Variants in RALY observed in about 807,000 individuals in gnomAD.
RALY encodes the protein RNA-binding protein Raly.
In RALY, 15 loss-of-function variants were observed where a neutral mutation model predicts 30.7. That is an observed-to-expected ratio of 0.49 (90% CI 0.33 to 0.75). RALY has a LOEUF of 0.75. Ranked by LOEUF, RALY falls within the 30% of genes least tolerant of loss-of-function variation. The pLI is 0.02. For missense variants in RALY, 339 were observed against 414.3 expected (o/e 0.82, Z 1.58); for synonymous variants, 177 against 170.8 (o/e 1.04, Z -0.28).
chr20:34,072,426 C>T (rs1276538211), intron 3 of RALY, 96 bp downstream of exon 3: 6 of 1,397,194 alleles, frequency 4.3e-6, no homozygotes, highest in African/African-American at 1.4e-5. Context: ...CTCACCGCTA[C>T]CACTGCTCTG....
intron 1 of RALY, among the ~76,000 whole-genome samples, chr20:34,012,146 G>A (rs568859963): frequency 1.0e-3 from 158 of 152,206 alleles, no homozygotes; most frequent in African/African-American, 3.7e-3. Context: ...CCTTTGTTTG[G>A]TTTTCCTGCC....
Position 34,076,034 on chromosome 20 carries a change from A to T in RALY, c.538A>T (p.Ile180Phe), listed in dbSNP as rs565978147. 9 of 1,613,418 alleles carry T rather than the reference A, an allele frequency of 5.6e-6. No homozygotes were observed. The highest frequency in any genetic ancestry group is 1.3e-5 in the African/African-American group (1 of 74,924). Residue 180 changes from isoleucine (I) to phenylalanine (F), a missense_variant, in exon 6 of 10, where the codon ATC (isoleucine) becomes TTC (phenylalanine). Physicochemically the swap from Ile to Phe is conservative, Grantham distance 21. Around this residue, in one of 2 missense-constraint regions of RALY, gnomAD observed 268 missense variants for 280.6 expected, o/e 0.95. Coordinates refer to ENST00000246194, the MANE Select transcript of RALY (RefSeq NM_016732.3). ...STAVTTSSAK[I>F]KLKSSELQAI... The stretch of plus-strand genomic sequence containing the variant: ...AGCTGTCACCACCAGCTCAGCCAAG[A>T]TCAAGTGTGAGTGACTGTATCATAT...
chr20:34,006,865 A>G (rs190608643), intron 1 of RALY, among the ~76,000 whole-genome samples: 1 of 152,324 alleles, frequency 6.6e-6, no homozygotes, highest in East Asian at 1.9e-4. Context: ...ATTTCTCAGA[A>G]TGTATCCCCG....
chr20:34,068,919 AG>A (rs976631522), intron 2 of RALY, among the ~76,000 whole-genome samples: 2 of 152,184 alleles, frequency 1.3e-5, no homozygotes, highest in African/African-American at 4.8e-5. Flanking sequence ...CACTTTCCAA[AG>A]GAGTGTACAG....
At position 34,077,231 on chromosome 20, in the gene RALY, A is replaced by G. The variant is rs1442795427; in HGVS notation, c.862A>G (p.Ser288Gly). 1 of 1,613,714 alleles carries G rather than the reference A, an allele frequency of 6.2e-7. No homozygotes were observed. Among genetic ancestry groups the G allele is most frequent in the East Asian group, 2.2e-5 (1 of 44,864 alleles). The change falls in exon 8 of 10, where the codon AGC becomes GGC. Residue 288 changes from serine (S) to glycine (G), a missense_variant. Coordinates refer to ENST00000246194, the MANE Select transcript of RALY (RefSeq NM_016732.3). ...CGATGAGGAAGGGCTCCTGACACACAGCGAGGAAGAGCTGGTGAGGGCCTG... is the reference window on the plus strand; with the variant it reads ...CGATGAGGAAGGGCTCCTGACACACGGCGAGGAAGAGCTGGTGAGGGCCTG... ...DGDEEGLLTH[S>G]EEELEHSQDT...
At chr20:34,071,955 C>CT in intron 2 of RALY, 111 bp from the exon 3 acceptor site, 1 of 1,214,956 alleles carries the variant, frequency 8.2e-7, no homozygotes, top group Non-Finnish European at 1.2e-6. Flanking sequence ...AGGCTGGATG[C>CT]TATAAGGGTT....
At chr20:34,076,877 A>G (rs569566605) in intron 7 of RALY, 62 bp downstream of exon 7, 10 of 1,595,078 alleles carry the variant, frequency 6.3e-6, no homozygotes, top group African/African-American at 1.3e-5. Flanking sequence ...GCATGGGGAA[A>G]TAGTACATGG....
intron 2 of RALY, among the ~76,000 whole-genome samples, chr20:34,055,793 CTG>C (rs2033224508): frequency 6.6e-6 from 1 of 152,180 alleles, no homozygotes; most frequent in Non-Finnish European, 1.5e-5. Flanking sequence ...ATTAAAGTCA[CTG>C]TTATTAATGT....
chr20:34,073,247 A>T (rs545503691), intron 3 of RALY, among the ~76,000 whole-genome samples: 1 of 151,164 alleles, frequency 6.6e-6, no homozygotes. Context: ...ACGCATTTAC[A>T]TGAGTGTATT....
At chr20:34,073,238 C>T (rs1271988229) in intron 3 of RALY, among the ~76,000 whole-genome samples, 1 of 151,132 alleles carries the variant, frequency 6.6e-6, no homozygotes, top group African/African-American at 2.4e-5. Flanking sequence ...TGATGTGTTA[C>T]GCATTTACAT....
At chr20:34,019,993 G>A (rs1185112521) in intron 1 of RALY, among the ~76,000 whole-genome samples, 1 of 152,030 alleles carries the variant, frequency 6.6e-6, no homozygotes, top group Non-Finnish European at 1.5e-5. Flanking sequence ...CCCGGGAGGC[G>A]GAGCTTGCAG....
chr20:34,066,671 G>C (rs753008136), intron 2 of RALY, among the ~76,000 whole-genome samples: 2 of 149,632 alleles, frequency 1.3e-5, no homozygotes. Context: ...GATTACTTGC[G>C]TGAGCCACTT....
intron 1 of RALY, among the ~76,000 whole-genome samples, chr20:34,008,387 G>A (rs750633737): frequency 1.3e-5 from 2 of 152,142 alleles, no homozygotes; most frequent in African/African-American, 2.4e-5. Flanking sequence ...CACTCCCAAC[G>A]GCATCTGACT....
intron 1 of RALY, among the ~76,000 whole-genome samples, chr20:34,025,922 G>GT (rs2032015220): frequency 5.6e-5 from 1 of 17,992 alleles, no homozygotes; most frequent in African/African-American, 1.7e-4. Context: ...TTTTTTTTTT[G>GT]TGGGGGGTGG....
chr20:34,005,111 C>T (rs887875587), intron 1 of RALY, among the ~76,000 whole-genome samples: 1 of 152,118 alleles, frequency 6.6e-6, no homozygotes, highest in Non-Finnish European at 1.5e-5. Flanking sequence ...TGTGTCAGGT[C>T]GCGGGGTGTT....
At chr20:34,012,597 A>G (rs1322686897) in intron 1 of RALY, among the ~76,000 whole-genome samples, 1 of 152,156 alleles carries the variant, frequency 6.6e-6, no homozygotes, top group African/African-American at 2.4e-5. Flanking sequence ...TGCAGTGCGC[A>G]GAGCTTGGGA....
chr20:34,038,455 A>G (rs182548947), intron 2 of RALY, among the ~76,000 whole-genome samples: 1 of 152,304 alleles, frequency 6.6e-6, no homozygotes, highest in Non-Finnish European at 1.5e-5. Flanking sequence ...GGGGTGCTCA[A>G]AAGCTACTTT....
At chr20:34,078,826 G>A (rs1601519794) in intron 9 of RALY, among the ~76,000 whole-genome samples, 1 of 152,210 alleles carries the variant, frequency 6.6e-6, no homozygotes. Flanking sequence ...CATGTTGCCT[G>A]TCTCTGCCCT....
intron 2 of RALY, among the ~76,000 whole-genome samples, chr20:34,035,185 A>C (rs936649279): frequency 9.1e-5 from 13 of 142,658 alleles, no homozygotes; most frequent in East Asian, 2.0e-4. Flanking sequence ...AAAAAAAAAA[A>C]AACAGTCTGG....
Sources: allele counts gnomAD v4.1 joint callset (sites outside exome capture counted in the v4.1 genomes callset), GRCh38; gene constraint gnomAD v4.1.1; regional missense constraint gnomAD v4.1.1; transcripts MANE v1.5; gene names NCBI Gene and HGNC (gene_info 2026-07-23, HGNC 2026-07-21).